Variants in ZNF550 observed in about 807,000 individuals in gnomAD.
ZNF550 encodes zinc finger protein 550.
A neutral mutation model predicts 40.2 loss-of-function variants in ZNF550; 42 were observed. The ratio of observed to expected loss-of-function variants is 1.05; its 90% CI spans 0.82 to 1.35. The LOEUF (loss-of-function observed/expected upper bound fraction) is 1.35, where lower values mean the gene tolerates loss of function less well. ZNF550 is among the 40% of genes most tolerant of loss of function. The pLI is 0.00. For synonymous variants in ZNF550, 223 were observed against 198.6 expected (o/e 1.12, Z -1.03); for missense variants, 549 against 525.2 (o/e 1.05, Z -0.44).
At chr19:57,552,920 G>A (rs2090086180) in intron 2 of ZNF550, 198 bp from the exon 3 acceptor site, 3 of 553,598 alleles carry the variant, frequency 5.4e-6, no homozygotes, top group South Asian at 2.6e-5. Context: ...ATATGTTGAT[G>A]CCCTAACACC....
exon 2 of ZNF550, chr19:57,556,289 G>C (rs141957212): frequency 8.1e-6 from 13 of 1,613,954 alleles, no homozygotes; most frequent in African/African-American, 1.3e-5. Flanking sequence ...GGGTCCTCTG[G>C]GCCAGGTCCA....
intron 4 of ZNF550, among the ~76,000 whole-genome samples, chr19:57,545,290 C>T (rs2089998671): frequency 6.6e-6 from 1 of 152,176 alleles, no homozygotes; most frequent in Non-Finnish European, 1.5e-5. Flanking sequence ...TTTATAAGAT[C>T]AGACAATGAG....
chr19:57,558,075 C>G (rs1031781646), intron 1 of ZNF550, among the ~76,000 whole-genome samples: 1 of 152,184 alleles, frequency 6.6e-6, no homozygotes, highest in Non-Finnish European at 1.5e-5. Flanking sequence ...CAGGCACAGC[C>G]TCACATTTAA....
exon 4 of ZNF550, chr19:57,546,741 TGAGTGAGAACTGA>T: frequency 7.8e-7 from 1 of 1,285,502 alleles, no homozygotes; most frequent in Non-Finnish European, 9.8e-7. Context: ...CCTTCTGCAA[TGAGTGAGAACTGA>T]GTGGTGACTG....
At chr19:57,552,107 G>T (rs1000696817) in intron 3 of ZNF550, among the ~76,000 whole-genome samples, 2 of 152,206 alleles carry the variant, frequency 1.3e-5, no homozygotes, top group African/African-American at 4.8e-5. Flanking sequence ...CTATGGACCA[G>T]GAACTGAACT....
chr19:57,559,986 A>G (rs1267482335), upstream of ZNF550: 5 of 354,898 alleles, frequency 1.4e-5, no homozygotes, highest in Non-Finnish European at 2.0e-5. Flanking sequence ...TATGCACACC[A>G]TGTTTCTGTA....
chr19:57,543,526 A>G (rs1226316591), intron 4 of ZNF550: 10 of 794,814 alleles, frequency 1.3e-5, no homozygotes, highest in African/African-American at 1.9e-5. Context: ...GTGAATGGTC[A>G]TAACTAGTCC....
exon 4 of ZNF550, chr19:57,547,655 G>C (rs2090032414): frequency 1.2e-6 from 2 of 1,614,176 alleles, no homozygotes. Context: ...GTCCCTGCAT[G>C]AATCAAGGCG....
intron 4 of ZNF550, among the ~76,000 whole-genome samples, chr19:57,545,893 T>A (rs974668187): frequency 6.6e-6 from 1 of 152,038 alleles, no homozygotes; most frequent in Non-Finnish European, 1.5e-5. Flanking sequence ...TATGCCTGTA[T>A]CCCAAGCTAC....
chr19:57,544,731 G>A, intron 4 of ZNF550: 1 of 463,182 alleles, frequency 2.2e-6, no homozygotes, highest in Non-Finnish European at 2.8e-6. Context: ...AGCTCAAAGT[G>A]AGAAAATGAT....
Position 57,554,236 on chromosome 19 carries a change from A to C in ZNF550, c.155-1514T>G, listed in dbSNP as rs548632011. 2.0e-5 allele frequency: 3 copies of C among 152,366 alleles called. No homozygotes were observed. In the East Asian group the frequency reaches 5.8e-4, roughly 29 times the overall value. The allele number at this position is 152,366 out of a possible 1,614,324, so 9.4% of individuals were successfully genotyped here. On this transcript the variant is annotated intron_variant, in intron 2 of 4. Coordinates refer to ENST00000457177, the Ensembl canonical transcript of ZNF550. This position sits in a 1 kb window ranked among gnomAD's most constrained non-coding sequence, Gnocchi z 4.5. ...ATAAATTGGTAATGCAAGAGTCTTC[A>C]TTAGGCAGGTGACCAAAGCTGGATT...
At chr19:57,559,565 C>G in intron 1 of ZNF550, 91 bp downstream of exon 1, 1 of 1,323,494 alleles carries the variant, frequency 7.6e-7, no homozygotes, top group Non-Finnish European at 1.0e-6. Flanking sequence ...AGGGACTGCA[C>G]TGAGGACGAC....
intron 3 of ZNF550, among the ~76,000 whole-genome samples, chr19:57,551,081 A>G (rs1234288188): frequency 1.3e-5 from 2 of 152,182 alleles, no homozygotes; most frequent in Non-Finnish European, 2.9e-5. Context: ...TTTTTTTAAA[A>G]AAAGCAAGTT....
rs914917989 is a variant in ZNF550, at chr19:57,550,820, A to T, written c.250+1807T>A. ...TAGTTTGAGAAATTTTAAACAAAAA[A>T]ATATTAAAGTCAAGTGTAAACATCT... On this transcript the variant is annotated intron_variant, in intron 3 of 4. Coordinates refer to ENST00000457177, the Ensembl canonical transcript of ZNF550. Among the ~76,000 whole-genome samples, 748 of 152,356 alleles carry T rather than the reference A, an allele frequency of 4.9e-3. 6 individuals are homozygous for T. The highest frequency in any genetic ancestry group is 0.016 in the African/African-American group (684 of 41,578).
chr19:57,547,905 C>G lies in ZNF550; in HGVS notation c.339G>C (p.Leu113=), dbSNP rs35215822. The stretch of plus-strand genomic sequence containing the variant: ...TCGAATCACTTGAGGTTGAAGATTC[C>G]AGAGTCAGGCTTCCCCGGAGAAAGG... Residue 113 remains leucine, a synonymous_variant, in exon 4 of 5, where the codon CTG becomes CTC. Transcript: ENST00000457177. 9.3e-4 allele frequency: 1,496 copies of G among 1,614,116 alleles called. 12 individuals are homozygous for G. The African/African-American group carries it at 0.018, about 20-fold the overall frequency.
At chr19:57,547,556 G>T (rs145416022) in exon 4 of ZNF550, 248 of 1,614,060 alleles carry the variant, frequency 1.5e-4, no homozygotes, top group Non-Finnish European at 2.0e-4. Flanking sequence ...CATTCATAGG[G>T]TTTCATTCCA....
At chr19:57,547,366 C>A (rs776010564) in exon 4 of ZNF550, 2 of 1,612,518 alleles carry the variant, frequency 1.2e-6, no homozygotes, top group South Asian at 2.2e-5. Flanking sequence ...GAAGGCCTTT[C>A]GACATTGACT....
In ZNF550 at chr19:57,554,169, C is replaced by T. The variant is rs370607534; in HGVS notation, c.155-1447G>A. 1.3e-5 allele frequency: 2 copies of T among 152,006 alleles called. No homozygotes were observed. The highest frequency in any genetic ancestry group is 2.9e-5 in the Non-Finnish European group (2 of 68,052). The allele number at this position is 152,006 out of a possible 1,614,324, so 9.4% of individuals were successfully genotyped here. Reference sequence around the variant, plus strand: ...CTTCAGCCTGAATGACAGAGCAAGACTCCATCTCAAAAAAAAAGGAAAAGA... The same window carrying T: ...CTTCAGCCTGAATGACAGAGCAAGATTCCATCTCAAAAAAAAAGGAAAAGA... On this transcript the variant is annotated intron_variant, in intron 2 of 4. Coordinates refer to ENST00000457177, the Ensembl canonical transcript of ZNF550. The surrounding 1 kb of genome is among the most constrained non-coding windows in gnomAD (Gnocchi z 4.5).
In ZNF550 at chr19:57,547,424, G is replaced by C. The variant is rs1460986599; in HGVS notation, c.820C>G (p.Leu274Val). The C allele has an allele frequency of 1.9e-6, 3 of 1,613,816 alleles. No homozygotes were observed. In the South Asian group the frequency reaches 3.3e-5, roughly 18 times the overall value. ...GTGTGGATTGGATGGTGCTGCATGA[G>C]GTACGACCTGCGTTTGAAGGCCTTC... Residue 274 changes from leucine (L) to valine (V), a missense_variant, in exon 4 of 5, where the codon CTC becomes GTC. By Grantham distance (32) the Leu-to-Val change is conservative (BLOSUM62 1). Coordinates refer to ENST00000457177, the Ensembl canonical transcript of ZNF550.
Sources: gnomAD v4.1 joint callset for allele counts (sites outside exome capture counted in the v4.1 genomes callset) on GRCh38, gnomAD v4.1.1 for gene constraint, Gnocchi (gnomAD v3.1) non-coding constraint, MANE v1.5 for transcripts, NCBI Gene and HGNC (gene_info 2026-07-23, HGNC 2026-07-21) for gene names.